PTPRD: variants seen among roughly 807,000 people sequenced by gnomAD.
The protein encoded by PTPRD is protein tyrosine phosphatase receptor type D, also known as receptor-type tyrosine-protein phosphatase delta.
Under a neutral mutation model 214.5 loss-of-function variants are expected in PTPRD, and 34 were observed. The observed-to-expected ratio is 0.16, with a 90% CI of 0.12 to 0.21. The LOEUF (loss-of-function observed/expected upper bound fraction) is 0.21. Among genes scored for constraint, PTPRD ranks in the 10% least tolerant of loss-of-function variants. The pLI is 1.00. For synonymous variants in PTPRD, 1,128 were observed against 845.7 expected (o/e 1.33, Z -5.79); for missense variants, 2,545 against 2,398.7 (o/e 1.06, Z -1.27).
In PTPRD at chr9:10,271,443, A is replaced by G. The variant is rs1453637645; in HGVS notation, c.-545+69520T>C. Among the ~76,000 whole-genome samples, 11 of 145,960 alleles carry G rather than the reference A, an allele frequency of 7.5e-5. 1 individual carries two copies. The East Asian group carries it at 2.2e-3, about 29-fold the overall frequency. ...TTCAAAGAACATTGAACTTCACAAAAATTGCAATGAAAAAATATTCTTAAT... is the reference window on the plus strand; with the variant it reads ...TTCAAAGAACATTGAACTTCACAAAGATTGCAATGAAAAAATATTCTTAAT... On this transcript the variant is annotated intron_variant, in intron 3 of 45. Coordinates refer to ENST00000381196, the MANE Select transcript of PTPRD (RefSeq NM_002839.4).
intron 9 of PTPRD, among the ~76,000 whole-genome samples, chr9:9,335,975 A>G (rs1193516165): frequency 1.3e-5 from 2 of 152,088 alleles, no homozygotes; most frequent in African/African-American, 2.4e-5. Context: ...AACTTTCAAA[A>G]AAGAAAGAAA....
At chr9:9,648,449 T>C (rs926577574) in intron 7 of PTPRD, among the ~76,000 whole-genome samples, 1 of 152,182 alleles carries the variant, frequency 6.6e-6, no homozygotes, top group African/African-American at 2.4e-5. Context: ...TTTTATCTAA[T>C]GAGGAAGTGA....
intron 10 of PTPRD, among the ~76,000 whole-genome samples, chr9:9,058,442 GTTTTTTTTTTTTT>G (rs777910266): frequency 2.9e-5 from 2 of 69,916 alleles, no homozygotes; most frequent in East Asian, 4.9e-4. Context: ...TATTATGAGG[GTTTTTTTTTTTTT>G]TTTTTTTTTT....
intron 39 of PTPRD, among the ~76,000 whole-genome samples, chr9:8,343,741 T>TA (rs542354167): frequency 3.6e-4 from 55 of 151,886 alleles, no homozygotes; most frequent in African/African-American, 1.1e-3. Flanking sequence ...GGAACTGCAT[T>TA]AAAAAAAATA....
intron 2 of PTPRD, among the ~76,000 whole-genome samples, chr9:10,504,109 C>T (rs746608437): frequency 1.4e-4 from 2 of 14,214 alleles, no homozygotes; most frequent in Non-Finnish European, 2.9e-4. Context: ...GAGCGAGACT[C>T]TGTCTCAAAA....
At chr9:9,749,260 T>A (rs150299317) in intron 6 of PTPRD, among the ~76,000 whole-genome samples, 1 of 152,286 alleles carries the variant, frequency 6.6e-6, no homozygotes, top group African/African-American at 2.4e-5. Context: ...TTGGGAGGCA[T>A]TTGGTTGTTC....
At chr9:9,548,033 T>C (rs1591324814) in intron 8 of PTPRD, among the ~76,000 whole-genome samples, 1 of 152,148 alleles carries the variant, frequency 6.6e-6, no homozygotes, top group East Asian at 1.9e-4. Flanking sequence ...AAAACACTGC[T>C]GTCCAATATT....
intron 3 of PTPRD, among the ~76,000 whole-genome samples, chr9:10,334,511 C>T (rs2096809026): frequency 6.7e-6 from 1 of 149,404 alleles, no homozygotes; most frequent in Admixed American, 6.8e-5. Context: ...AGGAATAAAG[C>T]AACAATATTC....
At position 10,049,413 on chromosome 9, in the gene PTPRD, AAG is replaced by A. The variant is rs1318715105; in HGVS notation, c.-544-15625_-544-15624del. Among the ~76,000 whole-genome samples the A allele has an allele frequency of 4.5e-3, 261 of 58,212 alleles. 4 individuals carry two copies. The highest frequency in any genetic ancestry group is 0.016 in the African/African-American group (224 of 13,882). 38.2% of individuals were successfully genotyped at this position (58,212 alleles called of 152,430 possible). ...CTTCTCTGGTTAAAAAAAAAAAAGAAAGAAAGAAAGAAAGAAAGAAAGAAAAG... is the reference window on the plus strand; with the variant it reads ...CTTCTCTGGTTAAAAAAAAAAAAGAAAAAGAAAGAAAGAAAGAAAGAAAAG... On this transcript the variant is annotated intron_variant, in intron 3 of 45. Coordinates refer to ENST00000381196, the MANE Select transcript of PTPRD (RefSeq NM_002839.4).
intron 4 of PTPRD, among the ~76,000 whole-genome samples, chr9:9,970,390 C>T (rs1403025601): frequency 7.4e-6 from 1 of 134,650 alleles, no homozygotes; most frequent in Non-Finnish European, 1.6e-5. Flanking sequence ...GCGGAGCTTG[C>T]AGTGAGCCGA....
intron 9 of PTPRD, among the ~76,000 whole-genome samples, chr9:9,184,601 T>A (rs1400470007): frequency 6.6e-6 from 1 of 152,060 alleles, no homozygotes; most frequent in East Asian, 1.9e-4. Flanking sequence ...TAAATGAGAA[T>A]TAAATTTCTC....
chr9:10,330,258 G>A (rs1162997546), intron 3 of PTPRD, among the ~76,000 whole-genome samples: 1 of 151,684 alleles, frequency 6.6e-6, no homozygotes, highest in Non-Finnish European at 1.5e-5. Context: ...TCCAACATCT[G>A]GATTGAGTGT....
chr9:10,123,149 T>C (rs1410411879), intron 3 of PTPRD, among the ~76,000 whole-genome samples: 2 of 152,326 alleles, frequency 1.3e-5, no homozygotes, highest in East Asian at 3.9e-4. Context: ...TTGCTGACAG[T>C]AGACGTTCCC....
chr9:8,328,327 G>C (rs776112457), intron 44 of PTPRD, among the ~76,000 whole-genome samples: 1 of 151,782 alleles, frequency 6.6e-6, no homozygotes, highest in Non-Finnish European at 1.5e-5. Flanking sequence ...CTTTTCTTTA[G>C]GAATGTTGAA....
chr9:10,269,232 T>C (rs1369951198), intron 3 of PTPRD, among the ~76,000 whole-genome samples: 1 of 152,206 alleles, frequency 6.6e-6, no homozygotes, highest in African/African-American at 2.4e-5. Flanking sequence ...TCTAATGCAA[T>C]TTCTAATTGC....
At chr9:9,320,573 T>G (rs1965975044) in intron 9 of PTPRD, among the ~76,000 whole-genome samples, 1 of 152,136 alleles carries the variant, frequency 6.6e-6, no homozygotes, top group South Asian at 2.1e-4. Context: ...ACCGACTCTC[T>G]GAGGAAAACT....
intron 10 of PTPRD, among the ~76,000 whole-genome samples, chr9:9,122,772 T>C (rs1403006236): frequency 2.0e-5 from 3 of 152,212 alleles, no homozygotes; most frequent in African/African-American, 7.2e-5. Flanking sequence ...CTAATGTTTA[T>C]GCCAGTGCAT....
rs115579257 is a variant in PTPRD at position 9,700,047 on chromosome 9, G to A, written c.-287+34486C>T. Among the ~76,000 whole-genome samples, 1,113 of 152,196 alleles carry A rather than the reference G, an allele frequency of 7.3e-3. 11 individuals are homozygous for A. Among genetic ancestry groups the A allele is most frequent in the African/African-American group, 0.025 (1,026 of 41,536 alleles). On this transcript the variant is annotated intron_variant, in intron 7 of 45. Coordinates refer to ENST00000381196, the MANE Select transcript of PTPRD (RefSeq NM_002839.4). ...TGAATAAGAAAATAAATGACATTCA[G>A]AATGTGAAATTCCTTAAATATGATG...
chr9:10,103,398 T>TATATATATATATA (rs1416027194), intron 3 of PTPRD, among the ~76,000 whole-genome samples: 17 of 143,102 alleles, frequency 1.2e-4, no homozygotes, highest in African/African-American at 2.0e-4. Flanking sequence ...TATATATTTA[T>TATATATATATATA]TTAAGAGCAT....
Sources: gnomAD v4.1 joint callset for allele counts (sites outside exome capture counted in the v4.1 genomes callset) on GRCh38, gnomAD v4.1.1 for gene constraint, MANE v1.5 for transcripts, NCBI Gene and HGNC (gene_info 2026-07-23, HGNC 2026-07-21) for gene names.